The following ALK variants were observed in gnomAD, a reference collection of about 807,000 sequenced individuals.
ALK encodes ALK receptor tyrosine kinase, also known as ALK tyrosine kinase receptor.
In ALK, 74 loss-of-function variants were observed where a neutral mutation model predicts 163.1. The ratio of observed to expected loss-of-function variants is 0.45; its 90% CI spans 0.38 to 0.55. ALK has a LOEUF of 0.55. Ranked by LOEUF, ALK falls within the 20% of genes least tolerant of loss-of-function variation. The pLI, the probability that ALK is intolerant of heterozygous loss-of-function variation, is 0.00. For missense variants in ALK, 2,063 were observed against 2,105.3 expected (o/e 0.98, Z 0.39); for synonymous variants, 960 against 843.2 (o/e 1.14, Z -2.40).
At chr2:29,296,767 G>T in intron 9 of ALK, 121 bp downstream of exon 9, 2 of 1,168,126 alleles carry the variant, frequency 1.7e-6, no homozygotes, top group Non-Finnish European at 2.5e-6. Flanking sequence ...GCACATATCG[G>T]TGTGTGGGCA....
chr2:29,404,423 C>G (rs753974061), intron 4 of ALK, among the ~76,000 whole-genome samples: 1 of 151,574 alleles, frequency 6.6e-6, no homozygotes, highest in African/African-American at 2.4e-5. Flanking sequence ...AGTTGATATA[C>G]AAGATGACTT....
At chr2:29,918,114 T>C (rs1667884037) in intron 1 of ALK, among the ~76,000 whole-genome samples, 1 of 152,234 alleles carries the variant, frequency 6.6e-6, no homozygotes, top group Non-Finnish European at 1.5e-5. Flanking sequence ...GAATTAAGCA[T>C]GTGACTCTTC....
chr2:29,444,648 TTAA>T (rs1160398794), intron 4 of ALK, among the ~76,000 whole-genome samples: 1 of 152,242 alleles, frequency 6.6e-6, no homozygotes, highest in African/African-American at 2.4e-5. Context: ...ATAGCATATA[TTAA>T]TGCATACAAA....
At chr2:29,798,070 A>G (rs919493672) in intron 1 of ALK, among the ~76,000 whole-genome samples, 1 of 152,176 alleles carries the variant, frequency 6.6e-6, no homozygotes, top group African/African-American at 2.4e-5. Flanking sequence ...GTTGCCATCA[A>G]CTACGATCCC....
chr2:29,748,588 T>TG (rs1680270625), intron 1 of ALK, among the ~76,000 whole-genome samples: 1 of 152,188 alleles, frequency 6.6e-6, no homozygotes, highest in South Asian at 2.1e-4. Context: ...AAGAAGCCCG[T>TG]GGGAAGCATG....
intron 3 of ALK, among the ~76,000 whole-genome samples, chr2:29,569,565 C>T (rs893279069): frequency 2.1e-4 from 16 of 76,412 alleles, no homozygotes; most frequent in African/African-American, 6.8e-4. Context: ...CCTTTTCTTC[C>T]CCCCCCCTAG....
intron 6 of ALK, among the ~76,000 whole-genome samples, chr2:29,321,737 G>A (rs758733808): frequency 5.3e-5 from 8 of 150,172 alleles, no homozygotes; most frequent in Non-Finnish European, 5.9e-5. Context: ...TACTGTAAAT[G>A]TTATCCCAAG....
At chr2:29,451,580 T>TC (rs1670821876) in intron 4 of ALK, among the ~76,000 whole-genome samples, 1 of 152,142 alleles carries the variant, frequency 6.6e-6, no homozygotes, top group African/African-American at 2.4e-5. Context: ...CATAACTTCC[T>TC]CCTCTCAACC....
chr2:29,599,395 G>A (rs1675313845), intron 3 of ALK, among the ~76,000 whole-genome samples: 1 of 152,220 alleles, frequency 6.6e-6, no homozygotes, highest in African/African-American at 2.4e-5. Context: ...TTCATAACAT[G>A]TTTTTAAGCA....
Position 29,403,709 on chromosome 2 carries a change from C to CAA in ALK, c.1155-19852_1155-19851dup, listed in dbSNP as rs67270103. ...CAGGCAACAGTGAGACAGGTCTCTACAAAAAAAAAAAAAAAAAAAAAAAAA... is the reference window on the plus strand; with the variant it reads ...CAGGCAACAGTGAGACAGGTCTCTACAAAAAAAAAAAAAAAAAAAAAAAAAAA... On this transcript the variant is annotated intron_variant, in intron 4 of 28. Transcript: ENST00000389048. Among the ~76,000 whole-genome samples the CAA allele has an allele frequency of 4.0e-3, 296 of 74,180 alleles. 14 individuals carry two copies. The highest frequency in any genetic ancestry group is 0.015 in the African/African-American group (245 of 16,360). The allele number at this position is 74,180 out of a possible 152,430, so 48.7% of individuals were successfully genotyped here.
intron 3 of ALK, among the ~76,000 whole-genome samples, chr2:29,541,493 G>T (rs1673411877): frequency 6.6e-6 from 1 of 152,136 alleles, no homozygotes; most frequent in African/African-American, 2.4e-5. Flanking sequence ...GTTTCACCAT[G>T]TTGAACAGGC....
rs79422417 is a variant in ALK, at chr2:29,546,486, A to G, written c.953-14370T>C. 9.0e-3 allele frequency among the ~76,000 whole-genome samples: 1,377 copies of G among 152,364 alleles called. 20 individuals carry two copies. The highest frequency in any genetic ancestry group is 0.027 in the African/African-American group (1,119 of 41,586). ...GAAAACTAAAGAATTGATTTAATTC[A>G]ATGAGAAACAGGAGGAAGGAGAGAT... On this transcript the variant is annotated intron_variant, in intron 3 of 28. Transcript: ENST00000389048.
At chr2:29,751,485 G>A (rs550253353) in intron 1 of ALK, among the ~76,000 whole-genome samples, 35 of 152,244 alleles carry the variant, frequency 2.3e-4, no homozygotes, top group African/African-American at 7.2e-4. Flanking sequence ...CCATGGTCTC[G>A]GGGATGGGAA....
chr2:29,313,443 C>T (rs866892531), intron 8 of ALK, among the ~76,000 whole-genome samples: 4 of 152,092 alleles, frequency 2.6e-5, no homozygotes, highest in Admixed American at 6.5e-5. Flanking sequence ...TGTGGAGAGA[C>T]GAAGGGGAGA....
intron 8 of ALK, among the ~76,000 whole-genome samples, chr2:29,308,468 C>T (rs1429442661): frequency 2.0e-5 from 3 of 152,138 alleles, no homozygotes; most frequent in Non-Finnish European, 2.9e-5. Context: ...TGTTGGAAAA[C>T]AGTAAAAGCT....
chr2:29,490,770 C>T (rs1354438371), intron 4 of ALK, among the ~76,000 whole-genome samples: 1 of 152,128 alleles, frequency 6.6e-6, no homozygotes, highest in Non-Finnish European at 1.5e-5. Flanking sequence ...AAAAGTTATG[C>T]TGCAATAATG....
At chr2:29,596,531 AAT>A (rs1675220625) in intron 3 of ALK, among the ~76,000 whole-genome samples, 1 of 152,184 alleles carries the variant, frequency 6.6e-6, no homozygotes, top group South Asian at 2.1e-4. Context: ...CTTAAGAAAC[AAT>A]AGAGATTCAG....
intron 1 of ALK, among the ~76,000 whole-genome samples, chr2:29,744,106 T>C (rs1305331540): frequency 6.6e-6 from 1 of 152,192 alleles, no homozygotes; most frequent in East Asian, 1.9e-4. Flanking sequence ...CATATTAGTT[T>C]CCTACATGAC....
At chr2:29,613,443 C>G (rs1675751834) in intron 3 of ALK, among the ~76,000 whole-genome samples, 1 of 152,198 alleles carries the variant, frequency 6.6e-6, no homozygotes, top group South Asian at 2.1e-4. Context: ...CAGATGTTGA[C>G]TCTTCCTTCC....
Sources: allele counts gnomAD v4.1 joint callset (sites outside exome capture counted in the v4.1 genomes callset), GRCh38; gene constraint gnomAD v4.1.1; transcripts MANE v1.5; gene names NCBI Gene and HGNC (gene_info 2026-07-23, HGNC 2026-07-21).